TBC1D22A: variants seen among roughly 807,000 people sequenced by gnomAD.
TBC1D22A encodes putative GTPase activator.
TBC1D22A carries 38 observed loss-of-function variants against 60.2 expected under a neutral mutation model. The ratio of observed to expected loss-of-function variants is 0.63; its 90% confidence interval spans 0.49 to 0.83. The LOEUF is 0.83. Ranked by LOEUF, TBC1D22A falls within the 40% of genes least tolerant of loss-of-function variation. The probability of loss-of-function intolerance (pLI) is 0.00; values close to 1 mark genes in which losing one functional copy is unlikely to be tolerated. For missense variants in TBC1D22A, 628 were observed against 701.0 expected (o/e 0.90, Z 1.18); for synonymous variants, 302 against 281.7 (o/e 1.07, Z -0.72).
At chr22:47,147,783 C>T (rs774549669) in intron 12 of TBC1D22A, among the ~76,000 whole-genome samples, 42 of 152,192 alleles carry the variant, frequency 2.8e-4, no homozygotes, top group Non-Finnish European at 2.2e-4. Context: ...GCACTGTCTG[C>T]GGGGAGCTGT....
rs1394519159 is a variant in TBC1D22A, at chr22:46,860,557, T to A, written c.638-18096T>A. Among the ~76,000 whole-genome samples, 271 of 142,358 alleles carry A rather than the reference T, an allele frequency of 1.9e-3. 2 individuals carry two copies. Among genetic ancestry groups the A allele is most frequent in the African/African-American group, 6.8e-3 (252 of 37,308 alleles). The allele number at this position is 142,358 out of a possible 152,430, so 93.4% of individuals were successfully genotyped here. The stretch of plus-strand genomic sequence containing the variant: ...CCCTTCCTGGGACCAGAATCCTTTT[T>A]TGATAGAGGTCCGCGCAGTGCTGTG... On this transcript the variant is annotated intron_variant, in intron 4 of 12. Transcript: ENST00000337137.
At chr22:46,888,998 C>T (rs2147580420) in intron 5 of TBC1D22A, among the ~76,000 whole-genome samples, 1 of 152,324 alleles carries the variant, frequency 6.6e-6, no homozygotes, top group African/African-American at 2.4e-5. Flanking sequence ...GCTACCGCGT[C>T]TGTCCAAAAA....
At chr22:46,962,049 C>G (rs1010523029) in intron 8 of TBC1D22A, among the ~76,000 whole-genome samples, 2 of 152,196 alleles carry the variant, frequency 1.3e-5, no homozygotes, top group African/African-American at 4.8e-5. Flanking sequence ...TCTTGCAAGT[C>G]AGCAGGGCTG....
intron 8 of TBC1D22A, among the ~76,000 whole-genome samples, chr22:46,967,712 A>G (rs1055126266): frequency 6.6e-6 from 1 of 152,228 alleles, no homozygotes; most frequent in Admixed American, 6.5e-5. Flanking sequence ...AAGCTCTTCC[A>G]TGTAGTTTAA....
intron 4 of TBC1D22A, among the ~76,000 whole-genome samples, chr22:46,869,798 A>C (rs1373118329): frequency 6.6e-6 from 1 of 152,256 alleles, no homozygotes; most frequent in East Asian, 1.9e-4. Context: ...AAAGGCAGTT[A>C]ATAAGAAATG....
chr22:46,985,769 G>C (rs774983635), intron 9 of TBC1D22A, among the ~76,000 whole-genome samples: 26 of 152,126 alleles, frequency 1.7e-4, no homozygotes, highest in Non-Finnish European at 2.8e-4. Context: ...GCTGTTCCAC[G>C]TCAGAATGCG....
At chr22:47,051,569 C>A (rs984033073) in intron 11 of TBC1D22A, among the ~76,000 whole-genome samples, 1 of 152,116 alleles carries the variant, frequency 6.6e-6, no homozygotes, top group African/African-American at 2.4e-5. Flanking sequence ...CCTGGTGATT[C>A]TCCTGGAGGG....
intron 4 of TBC1D22A, among the ~76,000 whole-genome samples, chr22:46,806,844 G>T (rs1056449467): frequency 6.6e-6 from 1 of 152,196 alleles, no homozygotes; most frequent in African/African-American, 2.4e-5. Context: ...GAATAGTGCT[G>T]ATCTTCGGCC....
intron 4 of TBC1D22A, among the ~76,000 whole-genome samples, chr22:46,857,455 T>G (rs1437639449): frequency 6.6e-6 from 1 of 152,242 alleles, no homozygotes; most frequent in Admixed American, 6.5e-5. Flanking sequence ...ATAAATGTCC[T>G]TAAAACATCC....
intron 4 of TBC1D22A, among the ~76,000 whole-genome samples, chr22:46,835,983 C>T (rs946927139): frequency 1.3e-5 from 2 of 152,018 alleles, no homozygotes; most frequent in African/African-American, 4.8e-5. Context: ...ATACAATACC[C>T]AGCAAAGCTG....
At chr22:47,141,481 C>G (rs1447390967) in intron 12 of TBC1D22A, among the ~76,000 whole-genome samples, 1 of 152,208 alleles carries the variant, frequency 6.6e-6, no homozygotes, top group Non-Finnish European at 1.5e-5. Flanking sequence ...GGGCAGTTGT[C>G]CCCAGATCAG....
At chr22:46,884,693 G>A (rs905634413) in intron 5 of TBC1D22A, among the ~76,000 whole-genome samples, 33 of 152,232 alleles carry the variant, frequency 2.2e-4, no homozygotes, top group African/African-American at 7.7e-4. Context: ...AAAACACATA[G>A]TTGTGTTCCC....
At chr22:46,774,257 C>A in intron 1 of TBC1D22A, 1 of 985,506 alleles carries the variant, frequency 1.0e-6, no homozygotes, top group Non-Finnish European at 1.2e-6. Flanking sequence ...GTTCTAGGTC[C>A]CCCCTGGTGT....
intron 11 of TBC1D22A, among the ~76,000 whole-genome samples, chr22:47,067,798 A>G (rs968108986): frequency 6.6e-6 from 1 of 152,170 alleles, no homozygotes; most frequent in African/African-American, 2.4e-5. Context: ...ACGTGCACTC[A>G]CAGAACTGTG....
intron 9 of TBC1D22A, among the ~76,000 whole-genome samples, chr22:46,989,226 G>A (rs1432441566): frequency 1.3e-5 from 2 of 152,200 alleles, no homozygotes; most frequent in Non-Finnish European, 2.9e-5. Context: ...TATCCAGACC[G>A]CTGAAACTTT....
chr22:46,891,200 G>A (rs1014072301), intron 5 of TBC1D22A, 66 bp from the exon 6 acceptor site: 88 of 1,474,504 alleles, frequency 6.0e-5, no homozygotes, highest in Non-Finnish European at 7.4e-5. Context: ...TTTATTTCAC[G>A]CTTAATAATA....
chr22:46,974,336 G>C lies in TBC1D22A; in HGVS notation c.1062G>C (p.Glu354Asp), dbSNP rs1378059107. 6.2e-7 allele frequency: 1 copy of C among 1,610,200 alleles called. No individual in the cohort carries two copies. The highest frequency in any genetic ancestry group is 8.5e-7 in the Non-Finnish European group (1 of 1,178,480). Reference protein sequence around the residue: ...DTVDVSGVPAEVLCNIEADTY... With the variant: ...DTVDVSGVPADVLCNIEADTY... ...TGGACGTCTCCGGCGTGCCCGCAGA[G>C]GTGCTGTGCAACATCGAGGCCGACA... is the stretch of plus-strand genomic sequence containing the variant. Residue 354 changes from glutamate (E) to aspartate (D), a missense_variant, in exon 9 of 13, where the codon GAG becomes GAC. By Grantham distance (45) the Glu-to-Asp change is conservative (BLOSUM62 2). Transcript: ENST00000337137.
intron 7 of TBC1D22A, among the ~76,000 whole-genome samples, chr22:46,897,652 G>GTTTTTTTTTTTTTTTTTTTTT (rs34529641): frequency 9.0e-6 from 1 of 111,516 alleles, no homozygotes; most frequent in African/African-American, 3.9e-5. Flanking sequence ...TTTTTTTTGT[G>GTTTTTTTTTTTTTTTTTTTTT]TTTTTTTTTT....
intron 4 of TBC1D22A, among the ~76,000 whole-genome samples, chr22:46,864,042 C>T (rs530306906): frequency 8.1e-4 from 123 of 152,310 alleles, no homozygotes; most frequent in African/African-American, 2.9e-3. Context: ...CAGCACATCG[C>T]CTAGTGGAGC....
Sources: gnomAD v4.1 joint callset for allele counts (sites outside exome capture counted in the v4.1 genomes callset) on GRCh38, gnomAD v4.1.1 for gene constraint, MANE v1.5 for transcripts, NCBI Gene and HGNC (gene_info 2026-07-23, HGNC 2026-07-21) for gene names.